Variants in YWHAG observed in about 807,000 individuals in gnomAD.
YWHAG encodes the protein tyrosine 3-monooxygenase/tryptophan 5-monooxygenase activation protein gamma.
A neutral mutation model predicts 23.3 loss-of-function variants in YWHAG; 1 was observed. That is an observed-to-expected ratio of 0.04 (90% CI 0.02 to 0.20). The LOEUF is 0.20. Ranked by LOEUF, YWHAG falls within the 10% of genes least tolerant of loss-of-function variation. The pLI is 1.00. For missense variants in YWHAG, 151 were observed against 338.6 expected (o/e 0.45, Z 4.35); for synonymous variants, 160 against 144.0 (o/e 1.11, Z -0.80).
intron 1 of YWHAG, among the ~76,000 whole-genome samples, chr7:76,334,428 G>A (rs1236307283): frequency 6.6e-6 from 1 of 151,910 alleles, no homozygotes; most frequent in African/African-American, 2.4e-5. Flanking sequence ...CATTAAATTT[G>A]TTGTTGTTGT....
In YWHAG at chr7:76,329,484, C is replaced by A; in HGVS notation, c.*93G>T. 7.5e-6 allele frequency: 8 copies of A among 1,065,750 alleles called. No homozygotes were observed. Among genetic ancestry groups the A allele is most frequent in the Non-Finnish European group, 9.0e-6 (7 of 774,442 alleles). The allele number at this position is 1,065,750 out of a possible 1,614,324, so 66.0% of individuals were successfully genotyped here. A position where few individuals can be genotyped will look rare whatever the true frequency, so the allele number is the denominator to read the frequency against. On this transcript the variant is annotated 3_prime_UTR_variant, in exon 2 of 2. Transcript: ENST00000307630. The surrounding 1 kb of genome is among the most constrained non-coding windows in gnomAD (Gnocchi z 6.1). ...GTTTCTCCCTGGGAAGGTCATCCCT[C>A]CCTTTCCCTCCCCCACCCGACCCCC...
chr7:76,330,817 C>G (rs933829853), intron 1 of YWHAG, among the ~76,000 whole-genome samples: 3 of 152,164 alleles, frequency 2.0e-5, no homozygotes, highest in African/African-American at 7.2e-5. Flanking sequence ...GAGTGTCTGA[C>G]TGAATACAAC....
At chr7:76,342,563 A>AT (rs1174913398) in intron 1 of YWHAG, among the ~76,000 whole-genome samples, 1 of 152,154 alleles carries the variant, frequency 6.6e-6, no homozygotes, top group Non-Finnish European at 1.5e-5. Flanking sequence ...GCCAGAATGC[A>AT]TTTTTGAAAC....
At chr7:76,345,305 TCCC>T (rs1803761387) in intron 1 of YWHAG, among the ~76,000 whole-genome samples, 1 of 150,224 alleles carries the variant, frequency 6.7e-6, no homozygotes, top group African/African-American at 2.4e-5. Flanking sequence ...CCTGTCTCAG[TCCC>T]CCGAGCAGCT....
At chr7:76,340,555 C>T (rs184269455) in intron 1 of YWHAG, among the ~76,000 whole-genome samples, 19 of 152,258 alleles carry the variant, frequency 1.2e-4, no homozygotes, top group Admixed American at 4.6e-4. Flanking sequence ...CCTCGCCCTC[C>T]GGACAATCAT....
At chr7:76,344,021 T>C (rs1028349414) in intron 1 of YWHAG, among the ~76,000 whole-genome samples, 3 of 152,238 alleles carry the variant, frequency 2.0e-5, no homozygotes, top group Non-Finnish European at 4.4e-5. Context: ...TCTATCTTTC[T>C]CTGCAAGTGT....
chr7:76,357,647 T>C (rs528906086), intron 1 of YWHAG, among the ~76,000 whole-genome samples: 3 of 152,236 alleles, frequency 2.0e-5, no homozygotes, highest in Non-Finnish European at 4.4e-5. Context: ...ATGTACTCGC[T>C]TAAACAAAAA....
At chr7:76,342,242 G>A (rs1803707439) in intron 1 of YWHAG, among the ~76,000 whole-genome samples, 1 of 152,220 alleles carries the variant, frequency 6.6e-6, no homozygotes, top group African/African-American at 2.4e-5. Context: ...TACATGTCCT[G>A]CCATGGGTAT....
intron 1 of YWHAG, among the ~76,000 whole-genome samples, chr7:76,353,520 T>G (rs963528264): frequency 1.3e-5 from 2 of 152,206 alleles, no homozygotes; most frequent in Non-Finnish European, 2.9e-5. Context: ...CCAGGGAATT[T>G]TTTAAATCAG....
Position 76,330,271 on chromosome 7 carries a change from T to C in YWHAG, c.88-38A>G, listed in dbSNP as rs775013704. The C allele has an allele frequency of 8.2e-6, 13 of 1,582,578 alleles. No homozygotes were observed. In the East Asian group the frequency reaches 2.2e-4, roughly 27 times the overall value. On this transcript the variant is annotated intron_variant, in intron 1 of 1. Coordinates refer to ENST00000307630, the MANE Select transcript of YWHAG (RefSeq NM_012479.4). ...AAGAACAGAGTTGTTATGGTACAGA[T>C]GGTGTCCACTGGGTTAACTGTATCT...
intron 1 of YWHAG, among the ~76,000 whole-genome samples, chr7:76,335,059 A>C (rs564982102): frequency 1.3e-5 from 2 of 152,056 alleles, no homozygotes; most frequent in South Asian, 2.1e-4. Flanking sequence ...TCTTATTTTT[A>C]TTTTATTTAT....
At chr7:76,341,095 C>G (rs1803686536) in intron 1 of YWHAG, among the ~76,000 whole-genome samples, 1 of 152,150 alleles carries the variant, frequency 6.6e-6, no homozygotes, top group African/African-American at 2.4e-5. Flanking sequence ...CTGGCCCATA[C>G]AGAATCTTGT....
chr7:76,355,638 G>C (rs1223142772), intron 1 of YWHAG, among the ~76,000 whole-genome samples: 1 of 152,138 alleles, frequency 6.6e-6, no homozygotes, highest in Non-Finnish European at 1.5e-5. Context: ...GAGCCTGGGG[G>C]GGAGGGGGAA....
intron 1 of YWHAG, among the ~76,000 whole-genome samples, chr7:76,336,505 G>A (rs1200484043): frequency 6.7e-6 from 1 of 148,820 alleles, no homozygotes; most frequent in Non-Finnish European, 1.5e-5. Context: ...ACCCAGGCTG[G>A]AGTGTGATGG....
chr7:76,356,535 GT>G (rs1803963271), intron 1 of YWHAG, among the ~76,000 whole-genome samples: 1 of 151,996 alleles, frequency 6.6e-6, no homozygotes, highest in African/African-American at 2.4e-5. Flanking sequence ...TTTTTTTAAG[GT>G]TTTTATTAAA....
At chr7:76,354,863 T>C (rs986490740) in intron 1 of YWHAG, among the ~76,000 whole-genome samples, 2 of 152,232 alleles carry the variant, frequency 1.3e-5, no homozygotes, top group Non-Finnish European at 2.9e-5. Context: ...TAAATTGTTC[T>C]TATTTATTTG....
At chr7:76,341,527 G>A (rs1200125902) in intron 1 of YWHAG, among the ~76,000 whole-genome samples, 1 of 151,272 alleles carries the variant, frequency 6.6e-6, no homozygotes, top group East Asian at 1.9e-4. Context: ...TGAACAAAAC[G>A]TAGTGTGATC....
intron 1 of YWHAG, among the ~76,000 whole-genome samples, chr7:76,332,399 C>T (rs550641414): frequency 2.0e-5 from 3 of 152,308 alleles, no homozygotes; most frequent in African/African-American, 4.8e-5. Context: ...CTCCATCATT[C>T]GCTAAGCAAT....
At chr7:76,338,862 A>G (rs1803652299) in intron 1 of YWHAG, among the ~76,000 whole-genome samples, 1 of 152,232 alleles carries the variant, frequency 6.6e-6, no homozygotes, top group African/African-American at 2.4e-5. Flanking sequence ...ACAGAATTCT[A>G]GTTGGCACTA....
Sources: gnomAD v4.1 joint callset for allele counts (sites outside exome capture counted in the v4.1 genomes callset) on GRCh38, gnomAD v4.1.1 for gene constraint, Gnocchi (gnomAD v3.1) non-coding constraint, MANE v1.5 for transcripts, NCBI Gene and HGNC (gene_info 2026-07-23, HGNC 2026-07-21) for gene names.